GRM7: variants seen among roughly 807,000 people sequenced by gnomAD.
GRM7 encodes metabotropic glutamate receptor 7.
GRM7 carries 35 observed loss-of-function variants against 84.5 expected under a neutral mutation model. The ratio of observed to expected loss-of-function variants is 0.41; its 90% CI spans 0.32 to 0.55. The LOEUF is 0.55. Ranked by LOEUF, GRM7 falls within the 20% of genes least tolerant of loss-of-function variation. The pLI is 0.19. For synonymous variants in GRM7, 487 were observed against 455.1 expected (o/e 1.07, Z -0.89); for missense variants, 1,003 against 1,194.6 (o/e 0.84, Z 2.36).
intron 1 of GRM7, among the ~76,000 whole-genome samples, chr3:6,912,485 T>A (rs1696805493): frequency 6.6e-6 from 1 of 152,182 alleles, no homozygotes; most frequent in African/African-American, 2.4e-5. Flanking sequence ...CTCATCCAAT[T>A]TCCAATATAG....
At chr3:6,879,716 G>A (rs939073006) in intron 1 of GRM7, among the ~76,000 whole-genome samples, 1 of 152,314 alleles carries the variant, frequency 6.6e-6, no homozygotes, top group African/African-American at 2.4e-5. Flanking sequence ...GGGATGCTAG[G>A]AAGAATTCTG....
chr3:6,892,346 A>T (rs968421269), intron 1 of GRM7, among the ~76,000 whole-genome samples: 5 of 150,656 alleles, frequency 3.3e-5, no homozygotes, highest in Admixed American at 6.6e-5. Flanking sequence ...TCAGCGAGGC[A>T]GGCCTGCACA....
intron 1 of GRM7, among the ~76,000 whole-genome samples, chr3:7,110,238 C>A (rs559544662): frequency 1.3e-5 from 2 of 151,996 alleles, no homozygotes; most frequent in Non-Finnish European, 2.9e-5. Context: ...TGCCAGATGT[C>A]CAACCCAATC....
intron 1 of GRM7, among the ~76,000 whole-genome samples, chr3:6,971,143 G>A (rs1693736344): frequency 6.8e-6 from 1 of 146,664 alleles, no homozygotes; most frequent in Non-Finnish European, 1.5e-5. Context: ...TGCAAAACAT[G>A]AAAGTAAAAC....
intron 2 of GRM7, among the ~76,000 whole-genome samples, chr3:7,260,178 C>T (rs1698368092): frequency 1.3e-5 from 2 of 151,784 alleles, no homozygotes; most frequent in South Asian, 4.2e-4. Flanking sequence ...CTCATAGATG[C>T]TGGATATTAG....
chr3:7,461,776 T>C (rs1269719838), intron 7 of GRM7, 54 bp downstream of exon 7: 5 of 1,527,032 alleles, frequency 3.3e-6, no homozygotes, highest in Non-Finnish European at 4.5e-6. Context: ...AACAGACTTT[T>C]AATTTGCTCA....
At chr3:6,921,678 A>G (rs368722771) in intron 1 of GRM7, among the ~76,000 whole-genome samples, 2 of 152,234 alleles carry the variant, frequency 1.3e-5, no homozygotes, top group African/African-American at 4.8e-5. Context: ...TTATTGAGTA[A>G]TAGACCTCCG....
In GRM7 at chr3:7,103,816, T is replaced by TCTC. The variant is rs1699202405; in HGVS notation, c.520-42636_520-42635insCTC. 3.9e-3 allele frequency among the ~76,000 whole-genome samples: 345 copies of TCTC among 89,108 alleles called. 18 individuals carry two copies. Among genetic ancestry groups the TCTC allele is most frequent in the African/African-American group, 0.013 (274 of 20,766 alleles). The allele number at this position is 89,108 out of a possible 152,430, so 58.5% of individuals were successfully genotyped here. On this transcript the variant is annotated intron_variant, in intron 1 of 9. Transcript: ENST00000357716. Reference sequence around the variant, plus strand: ...TTTCTTTCTTTCTTTCTTTCTTTCTTTCTCTCTCTCTCTGTCTCTCTCTCC... The same window carrying TCTC: ...TTTCTTTCTTTCTTTCTTTCTTTCTTCTCTCTCTCTCTCTCTGTCTCTCTCTCC...
At chr3:7,025,050 T>C (rs1695928556) in intron 1 of GRM7, among the ~76,000 whole-genome samples, 1 of 152,162 alleles carries the variant, frequency 6.6e-6, no homozygotes, top group African/African-American at 2.4e-5. Flanking sequence ...TAGAGACTGC[T>C]CCATTCCTTA....
At chr3:7,434,618 G>T (rs775381692) in intron 5 of GRM7, among the ~76,000 whole-genome samples, 2 of 152,052 alleles carry the variant, frequency 1.3e-5, no homozygotes, top group Non-Finnish European at 1.5e-5. Context: ...CAAATATTAA[G>T]TTTGCAGTCC....
At chr3:7,553,333 A>C (rs1292096493) in intron 7 of GRM7, among the ~76,000 whole-genome samples, 1 of 152,158 alleles carries the variant, frequency 6.6e-6, no homozygotes, top group African/African-American at 2.4e-5. Flanking sequence ...GGAAGTTCCA[A>C]ACTTTCCCAC....
intron 1 of GRM7, among the ~76,000 whole-genome samples, chr3:6,989,697 G>T (rs1205813817): frequency 6.6e-6 from 1 of 152,180 alleles, no homozygotes; most frequent in African/African-American, 2.4e-5. Flanking sequence ...ACAACCTTTA[G>T]GTCCAAAGAG....
intron 7 of GRM7, among the ~76,000 whole-genome samples, chr3:7,549,016 TAGAG>T (rs1176825488): frequency 6.6e-6 from 1 of 151,752 alleles, no homozygotes; most frequent in Non-Finnish European, 1.5e-5. Context: ...GTAAGTAGAG[TAGAG>T]AGAGAGAGTA....
intron 1 of GRM7, among the ~76,000 whole-genome samples, chr3:7,074,802 T>C (rs1390840795): frequency 6.6e-6 from 1 of 152,222 alleles, no homozygotes; most frequent in African/African-American, 2.4e-5. Flanking sequence ...GGAATGGTTT[T>C]AATATCTACC....
chr3:7,595,757 G>A (rs574768365), intron 8 of GRM7, among the ~76,000 whole-genome samples: 2 of 152,042 alleles, frequency 1.3e-5, no homozygotes, highest in South Asian at 2.1e-4. Context: ...GCAGGTAGGC[G>A]CCAAGGCAGG....
chr3:7,689,724 A>C (rs162784), intron 9 of GRM7, among the ~76,000 whole-genome samples: 9,223 of 152,270 alleles, frequency 0.061, 362 homozygotes, highest in South Asian at 0.13. Context: ...AGTCACAAAA[A>C]CTATGTCAAG....
At chr3:7,034,771 C>A (rs1574816701) in intron 1 of GRM7, among the ~76,000 whole-genome samples, 1 of 152,302 alleles carries the variant, frequency 6.6e-6, no homozygotes, top group South Asian at 2.1e-4. Flanking sequence ...CTGGTGCAAT[C>A]CATGTCAGCT....
intron 1 of GRM7, among the ~76,000 whole-genome samples, chr3:7,023,238 A>G (rs186172869): frequency 6.6e-6 from 1 of 152,242 alleles, no homozygotes; most frequent in East Asian, 1.9e-4. Flanking sequence ...TAGTTATTTG[A>G]TGAGACCCCA....
At chr3:7,538,445 A>G (rs1353583750) in intron 7 of GRM7, among the ~76,000 whole-genome samples, 3 of 152,156 alleles carry the variant, frequency 2.0e-5, no homozygotes, top group East Asian at 1.9e-4. Context: ...GACTTTGTCT[A>G]TGGCCTGCTT....
Sources: allele counts gnomAD v4.1 joint callset (sites outside exome capture counted in the v4.1 genomes callset), GRCh38; gene constraint gnomAD v4.1.1; transcripts MANE v1.5; gene names NCBI Gene and HGNC (gene_info 2026-07-23, HGNC 2026-07-21).